The following ZC3H12B variants were observed in gnomAD, a reference collection of about 807,000 sequenced individuals.
ZC3H12B encodes the protein zinc finger CCCH-type containing 12B.
Under a neutral mutation model 43.9 loss-of-function variants are expected in ZC3H12B, and 7 were observed. The observed-to-expected ratio is 0.16, with a 90% CI of 0.09 to 0.30. ZC3H12B has a LOEUF of 0.30. ZC3H12B is among the 10% of genes least tolerant of loss of function. The pLI, the probability that ZC3H12B is intolerant of heterozygous loss-of-function variation, is 1.00. For missense variants in ZC3H12B, 475 were observed against 670.2 expected (o/e 0.71, Z 3.22); for synonymous variants, 222 against 241.7 (o/e 0.92, Z 0.76).
At chrX:65,069,257 T>G in the ZC3H12B span, among the ~76,000 whole-genome samples, 1 of 106,142 alleles carries the variant, frequency 9.4e-6, no homozygotes, top group African/African-American at 3.4e-5. Context: ...GGCCAATAAC[T>G]GTTAGATTTA....
chrX:65,362,145 G>C (rs951774440), upstream of ZC3H12B, among the ~76,000 whole-genome samples: 8 of 111,942 alleles, frequency 7.1e-5, no homozygotes, highest in Non-Finnish European at 1.1e-4. Flanking sequence ...AAGGCTCTCT[G>C]ACTGACTCCT....
chrX:65,068,607 C>T, the ZC3H12B span, among the ~76,000 whole-genome samples: 16 of 111,640 alleles, frequency 1.4e-4, no homozygotes, highest in East Asian at 5.6e-4. Flanking sequence ...TTATTATTTT[C>T]GATTTGTTCA....
At chrX:65,360,727 C>A in the ZC3H12B span, among the ~76,000 whole-genome samples, 1 of 112,277 alleles carries the variant, frequency 8.9e-6, no homozygotes, top group Non-Finnish European at 1.9e-5. Context: ...AATATATCTA[C>A]ACAAAGGCTT....
the ZC3H12B span, among the ~76,000 whole-genome samples, chrX:65,313,610 A>C: frequency 7.1e-5 from 8 of 112,618 alleles, no homozygotes; most frequent in East Asian, 8.3e-4. Flanking sequence ...TGAAAACTTA[A>C]ATGACATTTT....
chrX:65,228,761 C>A, the ZC3H12B span, among the ~76,000 whole-genome samples: 14 of 111,656 alleles, frequency 1.3e-4, no homozygotes, highest in Non-Finnish European at 2.3e-4. Flanking sequence ...AGAGAAAAAT[C>A]ATAAGTGAAC....
chrX:65,124,920 C>A, the ZC3H12B span, among the ~76,000 whole-genome samples: 7 of 110,591 alleles, frequency 6.3e-5, no homozygotes, highest in Non-Finnish European at 1.1e-4. Flanking sequence ...ATTTTTTTAT[C>A]TTATCAAAGA....
At chrX:65,163,718 C>A in the ZC3H12B span, among the ~76,000 whole-genome samples, 1 of 111,909 alleles carries the variant, frequency 8.9e-6, no homozygotes, top group Non-Finnish European at 1.9e-5. Flanking sequence ...ACCCCTTGTG[C>A]TTCCCGAGTG....
the ZC3H12B span, among the ~76,000 whole-genome samples, chrX:65,087,722 G>A: frequency 1.5e-4 from 17 of 111,930 alleles, no homozygotes; most frequent in African/African-American, 5.5e-4. Flanking sequence ...AAGCTAAGGT[G>A]GAGGAAGATT....
chrX:65,233,752 T>G, the ZC3H12B span, among the ~76,000 whole-genome samples: 1 of 109,160 alleles, frequency 9.2e-6, no homozygotes, highest in African/African-American at 3.3e-5. Context: ...AAAAAAGAAA[T>G]AAAGGAAATT....
At chrX:65,114,980 T>G in the ZC3H12B span, among the ~76,000 whole-genome samples, 3 of 105,209 alleles carry the variant, frequency 2.9e-5, no homozygotes, top group Non-Finnish European at 5.8e-5. Context: ...TTTTTTACGT[T>G]AAAAAGTTTT....
chrX:65,414,338 G>A (rs1238476729), intron 3 of ZC3H12B, among the ~76,000 whole-genome samples: 1 of 110,834 alleles, frequency 9.0e-6, no homozygotes, highest in African/African-American at 3.3e-5. Flanking sequence ...CATTTCCCCA[G>A]AGAAGCCATC....
the ZC3H12B span, among the ~76,000 whole-genome samples, chrX:65,356,432 T>C: frequency 4.6e-4 from 51 of 111,908 alleles, no homozygotes; most frequent in Non-Finnish European, 9.4e-5. Flanking sequence ...CATATAAAAA[T>C]GCAGTTATAT....
At chrX:65,077,264 G>T in the ZC3H12B span, among the ~76,000 whole-genome samples, 1 of 111,763 alleles carries the variant, frequency 8.9e-6, no homozygotes, top group Non-Finnish European at 1.9e-5. Flanking sequence ...ATCCTGCAGG[G>T]GATGAGACAA....
At chrX:65,475,120 T>G (rs993192851) in intron 3 of ZC3H12B, among the ~76,000 whole-genome samples, 1 of 112,516 alleles carries the variant, frequency 8.9e-6, no homozygotes, top group South Asian at 3.6e-4. Context: ...ACACACACAC[T>G]TTGTGTTCTT....
At chrX:65,082,584 A>AGATC in the ZC3H12B span, among the ~76,000 whole-genome samples, 2 of 111,385 alleles carry the variant, frequency 1.8e-5, no homozygotes. Flanking sequence ...AAACCTGAAC[A>AGATC]GATCAATAAC....
chrX:65,076,633 T>C, the ZC3H12B span, among the ~76,000 whole-genome samples: 2 of 110,917 alleles, frequency 1.8e-5, no homozygotes, highest in Non-Finnish European at 3.8e-5. Flanking sequence ...TTTGTTGATA[T>C]ATCTTTAACT....
chrX:65,265,604 C>A, the ZC3H12B span, among the ~76,000 whole-genome samples: 2 of 112,000 alleles, frequency 1.8e-5, no homozygotes, highest in Non-Finnish European at 3.8e-5. Context: ...ACATCATTAC[C>A]ACCATTCCAC....
the ZC3H12B span, among the ~76,000 whole-genome samples, chrX:65,353,323 CT>C: frequency 9.0e-6 from 1 of 111,362 alleles, no homozygotes; most frequent in East Asian, 2.8e-4. Context: ...ATCTCCCCCT[CT>C]TTTTGGGCAT....
the ZC3H12B span, among the ~76,000 whole-genome samples, chrX:65,192,574 C>T: frequency 1.8e-5 from 2 of 111,238 alleles, no homozygotes; most frequent in Non-Finnish European, 3.8e-5. Flanking sequence ...TGAATATTAT[C>T]AAATGCTTTA....
Sources: allele counts gnomAD v4.1 joint callset (sites outside exome capture counted in the v4.1 genomes callset), GRCh38; gene constraint gnomAD v4.1.1; transcripts MANE v1.5; gene names NCBI Gene and HGNC (gene_info 2026-07-23, HGNC 2026-07-21).